Variants in STK24 observed in about 807,000 individuals in gnomAD.
STK24 encodes the protein serine/threonine kinase 24, also known as serine/threonine-protein kinase 24.
Under a neutral mutation model 55.6 loss-of-function variants are expected in STK24, and 21 were observed. That is an observed-to-expected ratio of 0.38 (90% CI 0.27 to 0.54). The LOEUF (loss-of-function observed/expected upper bound fraction) is 0.54, where lower values mean the gene tolerates loss of function less well. Ranked by LOEUF, STK24 falls within the 20% of genes least tolerant of loss-of-function variation. The probability of loss-of-function intolerance (pLI) is 0.79; values close to 1 mark genes in which losing one functional copy is unlikely to be tolerated. For synonymous variants in STK24, 200 were observed against 215.2 expected, an observed-to-expected ratio of 0.93 and a Z score of 0.62; for missense variants, 383 against 538.4, an observed-to-expected ratio of 0.71 and a Z score of 2.86.
At chr13:98,516,014 C>T (rs1896044715) in intron 2 of STK24, among the ~76,000 whole-genome samples, 1 of 152,184 alleles carries the variant, frequency 6.6e-6, no homozygotes, top group African/African-American at 2.4e-5. Context: ...AATCTGTATC[C>T]TCCTTGACAT....
chr13:98,551,572 G>C (rs1444356877), intron 1 of STK24, among the ~76,000 whole-genome samples: 1 of 151,792 alleles, frequency 6.6e-6, no homozygotes, highest in Non-Finnish European at 1.5e-5. Context: ...TCTTTGTCAG[G>C]CAACCCAAAC....
chr13:98,547,353 T>C (rs533202554), intron 1 of STK24, among the ~76,000 whole-genome samples: 2 of 152,022 alleles, frequency 1.3e-5, no homozygotes, highest in African/African-American at 2.4e-5. Context: ...TAGAGACCAG[T>C]CTGGGAAACA....
chr13:98,561,778 A>G (rs1048025638), intron 1 of STK24, among the ~76,000 whole-genome samples: 1 of 151,928 alleles, frequency 6.6e-6, no homozygotes, highest in African/African-American at 2.4e-5. Context: ...TTCAGGACCA[A>G]CCAGCCCGGC....
rs76634170 is a variant in STK24 at position 98,508,401 on chromosome 13, A to G, written c.273+10842T>C. On this transcript the variant is annotated intron_variant, in intron 2 of 10. Transcript: ENST00000539966. ...GACAAGAAACATAGTAGGAAATTTCACAGAAGAATGTATGTTAATAAACAG... is the reference window on the plus strand; with the variant it reads ...GACAAGAAACATAGTAGGAAATTTCGCAGAAGAATGTATGTTAATAAACAG... Among the ~76,000 whole-genome samples, 278 of 152,362 alleles carry G rather than the reference A, an allele frequency of 1.8e-3. 2 individuals are homozygous for G. The highest frequency in any genetic ancestry group is 6.4e-3 in the African/African-American group (265 of 41,592).
chr13:98,539,611 C>T (rs541042740), intron 1 of STK24, among the ~76,000 whole-genome samples: 17 of 152,194 alleles, frequency 1.1e-4, no homozygotes, highest in East Asian at 3.9e-4. Flanking sequence ...ACAGTAATGA[C>T]GGCTGCATCA....
At chr13:98,521,696 C>T (rs1896266243) in intron 1 of STK24, 2 of 745,478 alleles carry the variant, frequency 2.7e-6, no homozygotes, top group African/African-American at 3.4e-5. Context: ...GGAAGCAGCG[C>T]ATCCTTTTTT....
intron 2 of STK24, among the ~76,000 whole-genome samples, chr13:98,502,938 T>A (rs1478656513): frequency 6.6e-6 from 1 of 151,090 alleles, no homozygotes; most frequent in Non-Finnish European, 1.5e-5. Context: ...AGAGGACTAC[T>A]ACCTGTGAGG....
In STK24 at chr13:98,557,417, C is replaced by T. The variant is rs568529559; in HGVS notation, c.42+19328G>A. The stretch of plus-strand genomic sequence containing the variant: ...ACTTGGGTGCGTGGGTGCGTTCATT[C>T]GCCCCAGGGCACCTCCCTCCCTCCA... On this transcript the variant is annotated intron_variant, in intron 1 of 10. Transcript: ENST00000539966. Among the ~76,000 whole-genome samples the T allele has an allele frequency of 2.0e-5, 3 of 152,328 alleles. No homozygotes were observed. The South Asian group carries it at 6.2e-4, about 32-fold the overall frequency.
intron 6 of STK24, 94 bp from the exon 7 acceptor site, chr13:98,463,930 C>T: frequency 7.1e-7 from 1 of 1,401,372 alleles, no homozygotes; most frequent in African/African-American, 1.4e-5. Flanking sequence ...AACCGCCACA[C>T]TGACACCTGA....
chr13:98,540,331 G>A (rs1896854297), intron 1 of STK24, among the ~76,000 whole-genome samples: 1 of 152,144 alleles, frequency 6.6e-6, no homozygotes, highest in Non-Finnish European at 1.5e-5. Context: ...TTTTACACCT[G>A]AAATGAATTT....
Position 98,471,892 on chromosome 13 carries a change from C to A in STK24, c.597+2929G>T, listed in dbSNP as rs538523665. Among the ~76,000 whole-genome samples, 5 of 152,286 alleles carry A rather than the reference C, an allele frequency of 3.3e-5. No individual in the cohort carries two copies. The East Asian group carries it at 9.7e-4, about 29-fold the overall frequency. ...CATAACTACCATACAGAACCCTGTC[C>A]CCAATAGCTGGAAGGTCTTTCCTTA... On this transcript the variant is annotated intron_variant, in intron 5 of 10. Transcript: ENST00000539966.
chr13:98,476,247 C>G (rs1275742915), intron 3 of STK24, among the ~76,000 whole-genome samples: 3 of 147,414 alleles, frequency 2.0e-5, no homozygotes, highest in African/African-American at 2.5e-5. Context: ...GAAGCCCCCC[C>G]CCGCCCCCTG....
At chr13:98,569,595 TAC>T (rs1897683380) in intron 1 of STK24, among the ~76,000 whole-genome samples, 1 of 151,978 alleles carries the variant, frequency 6.6e-6, no homozygotes, top group African/African-American at 2.4e-5. Flanking sequence ...TTGCAACAAC[TAC>T]AGAGTGCTGG....
At chr13:98,547,968 C>T (rs1897068592) in intron 1 of STK24, among the ~76,000 whole-genome samples, 1 of 152,148 alleles carries the variant, frequency 6.6e-6, no homozygotes. Flanking sequence ...AGCTGGGCCA[C>T]CAAGCCCTCC....
chr13:98,539,427 G>A (rs1245857948), intron 1 of STK24, among the ~76,000 whole-genome samples: 1 of 152,078 alleles, frequency 6.6e-6, no homozygotes, highest in Non-Finnish European at 1.5e-5. Context: ...TTTATCTTCA[G>A]TGCTCTCACA....
chr13:98,461,043 C>CAA (rs371783720), intron 8 of STK24, among the ~76,000 whole-genome samples: 31 of 120,230 alleles, frequency 2.6e-4, no homozygotes, highest in African/African-American at 7.3e-4. Context: ...GACCCCGTCT[C>CAA]AAAAAAAAAA....
intron 5 of STK24, among the ~76,000 whole-genome samples, chr13:98,470,690 T>C (rs1364958887): frequency 6.6e-6 from 1 of 152,244 alleles, no homozygotes; most frequent in Non-Finnish European, 1.5e-5. Context: ...CTGATGGTTC[T>C]GGACTCTCCT....
At chr13:98,460,130 C>T (rs1253609529) in intron 9 of STK24, among the ~76,000 whole-genome samples, 5 of 152,204 alleles carry the variant, frequency 3.3e-5, no homozygotes, top group Admixed American at 1.3e-4. Flanking sequence ...CACAGGGTCT[C>T]GGGCTGGGTC....
chr13:98,552,215 G>T (rs1897175225), intron 1 of STK24, among the ~76,000 whole-genome samples: 1 of 152,048 alleles, frequency 6.6e-6, no homozygotes, highest in South Asian at 2.1e-4. Context: ...TTTATTAAAA[G>T]GAATCTTTAC....
Sources: allele counts gnomAD v4.1 joint callset (sites outside exome capture counted in the v4.1 genomes callset), GRCh38; gene constraint gnomAD v4.1.1; transcripts MANE v1.5; gene names NCBI Gene and HGNC (gene_info 2026-07-23, HGNC 2026-07-21).